Variants in CRBN observed in about 807,000 individuals in gnomAD.
CRBN encodes the protein cereblon, also known as protein cereblon.
Under a neutral mutation model 62.2 loss-of-function variants are expected in CRBN, and 53 were observed. That is an observed-to-expected ratio of 0.85 (90% CI 0.68 to 1.07). The LOEUF (loss-of-function observed/expected upper bound fraction) is 1.07, where lower values mean the gene tolerates loss of function less well. CRBN is among the 50% of genes least tolerant of loss of function. The probability of loss-of-function intolerance (pLI) is 0.00; values close to 1 mark genes in which losing one functional copy is unlikely to be tolerated. For synonymous variants in CRBN, 208 were observed against 176.1 expected (o/e 1.18, Z -1.43); for missense variants, 616 against 531.1 (o/e 1.16, Z -1.57).
intron 4 of CRBN, among the ~76,000 whole-genome samples, chr3:3,169,057 T>C (rs957846849): frequency 2.6e-5 from 4 of 152,198 alleles, no homozygotes; most frequent in Admixed American, 1.3e-4. Context: ...TCTTCAAGGT[T>C]ATAGGTAACT....
At chr3:3,169,373 T>C (rs1011563984) in intron 4 of CRBN, among the ~76,000 whole-genome samples, 3 of 152,320 alleles carry the variant, frequency 2.0e-5, no homozygotes, top group Non-Finnish European at 2.9e-5. Flanking sequence ...TTTATATAAA[T>C]GTTATAAAAA....
At chr3:3,178,194 TG>T (rs1707909215) in intron 1 of CRBN, among the ~76,000 whole-genome samples, 1 of 152,180 alleles carries the variant, frequency 6.6e-6, no homozygotes, top group Non-Finnish European at 1.5e-5. Context: ...CTAATGTCTC[TG>T]AAAAAATAGC....
At chr3:3,155,098 A>C in intron 6 of CRBN, 1 of 476,564 alleles carries the variant, frequency 2.1e-6, no homozygotes, top group Middle Eastern at 5.7e-4. Flanking sequence ...GTTCTGTTCT[A>C]TGCCCCTGCT....
intron 3 of CRBN, 183 bp downstream of exon 3, chr3:3,173,876 T>A (rs1707725314): frequency 1.6e-6 from 1 of 634,740 alleles, no homozygotes; most frequent in Middle Eastern, 4.2e-4. Flanking sequence ...TAGATGGTAA[T>A]GAAATGAACA....
intron 5 of CRBN, among the ~76,000 whole-genome samples, chr3:3,164,146 A>G (rs1338681551): frequency 6.6e-6 from 1 of 152,298 alleles, no homozygotes; most frequent in East Asian, 1.9e-4. Context: ...AGACACAACA[A>G]TATTGAAACT....
chr3:3,154,177 A>T (rs913622205), intron 7 of CRBN, 102 bp from the exon 8 acceptor site: 11 of 741,756 alleles, frequency 1.5e-5, no homozygotes, highest in Non-Finnish European at 2.2e-5. Context: ...CTTCTCTTTA[A>T]GGTTACACAT....
At chr3:3,161,057 G>A (rs1707120017) in intron 5 of CRBN, among the ~76,000 whole-genome samples, 1 of 152,132 alleles carries the variant, frequency 6.6e-6, no homozygotes, top group Admixed American at 6.6e-5. Flanking sequence ...TCCTTTGCAT[G>A]GGAACGTCAT....
At chr3:3,152,616 C>G in intron 9 of CRBN, 29 bp from the exon 10 acceptor site, 1 of 1,613,502 alleles carries the variant, frequency 6.2e-7, no homozygotes, top group Middle Eastern at 1.7e-4. Context: ...ATGGAGAACA[C>G]GTCAAAACGA....
intron 4 of CRBN, among the ~76,000 whole-genome samples, chr3:3,169,362 A>G (rs951439187): frequency 1.3e-5 from 2 of 152,184 alleles, no homozygotes; most frequent in Admixed American, 1.3e-4. Context: ...CAGCAACATA[A>G]TTTATATAAA....
chr3:3,164,794 A>T (rs748724200), intron 5 of CRBN, among the ~76,000 whole-genome samples: 5 of 152,198 alleles, frequency 3.3e-5, no homozygotes, highest in Admixed American at 6.5e-5. Context: ...CCATTCTGTG[A>T]CCCATGGATC....
intron 4 of CRBN, 46 bp from the exon 5 acceptor site, chr3:3,167,839 T>C: frequency 2.5e-6 from 4 of 1,577,450 alleles, no homozygotes; most frequent in Non-Finnish European, 3.5e-6. Context: ...TAAGATTGAC[T>C]AACTCAAAAC....
chr3:3,150,185 A>G lies in CRBN; in HGVS notation c.*680T>C, dbSNP rs983101374. On this transcript the variant is annotated 3_prime_UTR_variant, in exon 11 of 11. Coordinates refer to ENST00000231948, the MANE Select transcript of CRBN (RefSeq NM_016302.4). ...AAAAATAGCTTTTGTATGGAACAGTATAAATGGGCTTATAGTTCAGATACT... is the reference window on the plus strand; with the variant it reads ...AAAAATAGCTTTTGTATGGAACAGTGTAAATGGGCTTATAGTTCAGATACT... 4 of 152,262 alleles carry G rather than the reference A, an allele frequency of 2.6e-5. No individual in the cohort carries two copies. Among genetic ancestry groups the G allele is most frequent in the Non-Finnish European group, 5.9e-5 (4 of 68,078 alleles). 9.4% of individuals were successfully genotyped at this position (152,262 alleles called of 1,614,324 possible).
intron 5 of CRBN, among the ~76,000 whole-genome samples, chr3:3,163,964 T>C (rs931977839): frequency 4.6e-5 from 7 of 152,224 alleles, no homozygotes; most frequent in African/African-American, 1.4e-4. Flanking sequence ...TTCATTGTTA[T>C]ATCTGTTATG....
chr3:3,156,189 T>C (rs772428613), intron 6 of CRBN, 30 bp downstream of exon 6: 2 of 1,577,712 alleles, frequency 1.3e-6, no homozygotes, highest in Non-Finnish European at 8.7e-7. Context: ...GCCTACCATA[T>C]ATAAAGTAAA....
intron 1 of CRBN, among the ~76,000 whole-genome samples, chr3:3,178,057 G>C (rs1707900469): frequency 6.6e-6 from 1 of 152,000 alleles, no homozygotes; most frequent in Non-Finnish European, 1.5e-5. Flanking sequence ...ACTGTTCAGA[G>C]CTATCAGTGA....
At chr3:3,159,535 T>C (rs1461995949) in intron 5 of CRBN, among the ~76,000 whole-genome samples, 1 of 152,156 alleles carries the variant, frequency 6.6e-6, no homozygotes, top group East Asian at 1.9e-4. Flanking sequence ...GAGAATAAAA[T>C]GTGGCACACT....
intron 5 of CRBN, among the ~76,000 whole-genome samples, chr3:3,166,275 G>C (rs1039029543): frequency 6.6e-6 from 1 of 152,148 alleles, no homozygotes; most frequent in Non-Finnish European, 1.5e-5. Flanking sequence ...TTTTAAAAAT[G>C]GGAGTTTTCC....
chr3:3,179,109 T>C (rs989815108), intron 1 of CRBN, among the ~76,000 whole-genome samples: 3 of 152,154 alleles, frequency 2.0e-5, no homozygotes, highest in African/African-American at 7.2e-5. Flanking sequence ...GGCAAGTCAT[T>C]GAACTAATCT....
intron 1 of CRBN, among the ~76,000 whole-genome samples, chr3:3,176,529 A>AG (rs796740400): frequency 3.9e-4 from 59 of 152,340 alleles, no homozygotes; most frequent in African/African-American, 1.2e-3. Context: ...TGAGGTCAGG[A>AG]GTTCAAGACC....
Sources: allele counts gnomAD v4.1 joint callset (sites outside exome capture counted in the v4.1 genomes callset), GRCh38; gene constraint gnomAD v4.1.1; transcripts MANE v1.5; gene names NCBI Gene and HGNC (gene_info 2026-07-23, HGNC 2026-07-21).